Variants in RORA observed in about 807,000 individuals in gnomAD.
The protein encoded by RORA is nuclear receptor ROR-alpha.
Under a neutral mutation model 69.5 loss-of-function variants are expected in RORA, and 7 were observed. That is an observed-to-expected ratio of 0.10 (90% CI 0.06 to 0.19). The LOEUF (loss-of-function observed/expected upper bound fraction) is 0.19, where lower values mean the gene tolerates loss of function less well. Ranked by LOEUF, RORA falls within the 10% of genes least tolerant of loss-of-function variation. The pLI is 1.00. For missense variants in RORA, 457 were observed against 663.0 expected (o/e 0.69, Z 3.41); for synonymous variants, 261 against 240.8 (o/e 1.08, Z -0.78).
chr15:60,991,413 T>C (rs1894372612), intron 1 of RORA, among the ~76,000 whole-genome samples: 4 of 152,116 alleles, frequency 2.6e-5, no homozygotes, highest in Admixed American at 1.3e-4. Flanking sequence ...GAGAGGTCAA[T>C]AGAGGATGTT....
chr15:60,498,014 G>A (rs7176798), intron 10 of RORA, among the ~76,000 whole-genome samples: 78,090 of 151,834 alleles, frequency 0.51, 22,086 homozygotes, highest in East Asian at 0.84. Flanking sequence ...AGCCGTGATC[G>A]TGCCACTGCA....
intron 2 of RORA, among the ~76,000 whole-genome samples, chr15:60,541,398 G>A (rs2066867996): frequency 6.6e-6 from 1 of 152,190 alleles, no homozygotes; most frequent in Non-Finnish European, 1.5e-5. Context: ...AACAACGTGA[G>A]GACTTGTTTC....
intron 1 of RORA, among the ~76,000 whole-genome samples, chr15:61,216,570 G>C (rs1264410821): frequency 1.3e-5 from 2 of 152,036 alleles, no homozygotes; most frequent in South Asian, 4.2e-4. Flanking sequence ...GGTGAAAAGT[G>C]AAGTCTCTGA....
At chr15:60,947,048 C>G (rs192424023) in intron 1 of RORA, among the ~76,000 whole-genome samples, 1 of 88,392 alleles carries the variant, frequency 1.1e-5, no homozygotes, top group Non-Finnish European at 3.0e-5. Flanking sequence ...CCAGCCGCCC[C>G]GTCCGGGAGG....
Position 60,491,537 on chromosome 15 carries a change from T to C in RORA, c.*5918A>G, listed in dbSNP as rs1251304388. The C allele has an allele frequency of 2.0e-5, 3 of 152,042 alleles. No individual in the cohort carries two copies. Among genetic ancestry groups the C allele is most frequent in the Non-Finnish European group, 4.4e-5 (3 of 67,990 alleles). 9.4% of individuals were successfully genotyped at this position (152,042 alleles called of 1,614,324 possible). The stretch of plus-strand genomic sequence containing the variant: ...AGGTTGTTTCTATTTGGATTGAATA[T>C]TCTGTCATTCATTTATAAATAAATG... On this transcript the variant is annotated 3_prime_UTR_variant, in exon 11 of 11. Transcript: ENST00000335670.
chr15:60,842,720 G>C (rs1162424170), intron 1 of RORA, among the ~76,000 whole-genome samples: 2 of 147,938 alleles, frequency 1.4e-5, no homozygotes, highest in Non-Finnish European at 3.0e-5. Context: ...CACAGGTCCT[G>C]GGCTGTCATG....
At chr15:60,747,123 A>G (rs537527166) in intron 1 of RORA, among the ~76,000 whole-genome samples, 76 of 151,948 alleles carry the variant, frequency 5.0e-4, no homozygotes, top group Non-Finnish European at 7.2e-4. Context: ...CCCCTGCTCA[A>G]TCTCTTCTCT....
intron 2 of RORA, among the ~76,000 whole-genome samples, chr15:60,649,092 T>C (rs2070102142): frequency 6.6e-6 from 1 of 152,124 alleles, no homozygotes; most frequent in African/African-American, 2.4e-5. Context: ...CACAGTATAA[T>C]ATTCCCATTC....
intron 1 of RORA, among the ~76,000 whole-genome samples, chr15:60,931,945 T>C (rs1033890459): frequency 2.6e-5 from 4 of 152,152 alleles, no homozygotes; most frequent in Non-Finnish European, 5.9e-5. Flanking sequence ...CATAATGAAA[T>C]GCCAGAAATT....
intron 1 of RORA, among the ~76,000 whole-genome samples, chr15:61,025,397 T>C (rs1040881981): frequency 6.6e-6 from 1 of 152,194 alleles, no homozygotes. Context: ...CTAGCTGTGC[T>C]TCAGTGACAT....
chr15:61,021,840 C>A (rs577199759), intron 1 of RORA, among the ~76,000 whole-genome samples: 1 of 152,164 alleles, frequency 6.6e-6, no homozygotes, highest in Non-Finnish European at 1.5e-5. Flanking sequence ...ATCCTACCTG[C>A]GGTTCTAGCC....
At chr15:60,747,143 A>G (rs895046166) in intron 1 of RORA, among the ~76,000 whole-genome samples, 1 of 151,996 alleles carries the variant, frequency 6.6e-6, no homozygotes, top group African/African-American at 2.4e-5. Context: ...TAAGAAACCA[A>G]TAAAGTGATT....
intron 2 of RORA, among the ~76,000 whole-genome samples, chr15:60,636,290 G>A (rs2069838767): frequency 6.6e-6 from 1 of 152,210 alleles, no homozygotes; most frequent in Non-Finnish European, 1.5e-5. Context: ...AGGTAGGGAT[G>A]TGATGCTTAC....
At chr15:60,604,693 T>C (rs190118380) in intron 2 of RORA, among the ~76,000 whole-genome samples, 1 of 152,290 alleles carries the variant, frequency 6.6e-6, no homozygotes, top group East Asian at 1.9e-4. Context: ...GAAAGTAGCA[T>C]GTATGGAAGA....
intron 1 of RORA, among the ~76,000 whole-genome samples, chr15:61,142,624 C>G (rs1476562830): frequency 6.6e-6 from 1 of 152,086 alleles, no homozygotes; most frequent in Non-Finnish European, 1.5e-5. Flanking sequence ...CATGAGCAGA[C>G]AGAATCCACC....
chr15:60,745,638 C>T (rs778253366), intron 1 of RORA, among the ~76,000 whole-genome samples: 6 of 152,220 alleles, frequency 3.9e-5, no homozygotes, highest in Non-Finnish European at 7.3e-5. Flanking sequence ...TTCCTGGCCG[C>T]CTCAACACAT....
intron 1 of RORA, among the ~76,000 whole-genome samples, chr15:61,187,615 A>C (rs1029685344): frequency 6.6e-6 from 1 of 152,240 alleles, no homozygotes; most frequent in Non-Finnish European, 1.5e-5. Flanking sequence ...GCTGAGAATT[A>C]GTCTTACACT....
chr15:60,751,172 C>T (rs1335556765), intron 1 of RORA, among the ~76,000 whole-genome samples: 1 of 152,200 alleles, frequency 6.6e-6, no homozygotes, highest in African/African-American at 2.4e-5. Context: ...CTTTCCCTCC[C>T]CATGGCGGGG....
intron 1 of RORA, among the ~76,000 whole-genome samples, chr15:61,052,020 C>G (rs1330883294): frequency 6.6e-6 from 1 of 152,244 alleles, no homozygotes; most frequent in African/African-American, 2.4e-5. Context: ...ACAGCACCTG[C>G]TGCTTTCTAA....
Sources: gnomAD v4.1 joint callset for allele counts (sites outside exome capture counted in the v4.1 genomes callset) on GRCh38, gnomAD v4.1.1 for gene constraint, MANE v1.5 for transcripts, NCBI Gene and HGNC (gene_info 2026-07-23, HGNC 2026-07-21) for gene names.